RBFOX1: variants seen among roughly 807,000 people sequenced by gnomAD.
The protein encoded by RBFOX1 is RNA binding protein fox-1 homolog 1.
Under a neutral mutation model 57.7 loss-of-function variants are expected in RBFOX1, and 8 were observed. The ratio of observed to expected loss-of-function variants is 0.14; its 90% CI spans 0.08 to 0.25. The LOEUF is 0.25. RBFOX1 is among the 10% of genes least tolerant of loss of function. The pLI is 1.00. For missense variants in RBFOX1, 611 were observed against 548.5 expected (o/e 1.11, Z -1.14); for synonymous variants, 326 against 222.4 (o/e 1.47, Z -4.15).
intron 1 of RBFOX1, among the ~76,000 whole-genome samples, chr16:6,139,697 C>G (rs1476958789): frequency 1.3e-5 from 2 of 152,228 alleles, no homozygotes; most frequent in Non-Finnish European, 2.9e-5. Context: ...CTTTTCTCTA[C>G]TAGCCTCTTT....
chr16:7,216,837 C>G (rs542322978), intron 4 of RBFOX1, among the ~76,000 whole-genome samples: 39 of 152,200 alleles, frequency 2.6e-4, no homozygotes, highest in African/African-American at 8.4e-4. Flanking sequence ...TATGTATTTA[C>G]TTTTTACCAA....
intron 2 of RBFOX1, among the ~76,000 whole-genome samples, chr16:6,502,819 A>G (rs2095976639): frequency 6.6e-6 from 1 of 152,090 alleles, no homozygotes; most frequent in Non-Finnish European, 1.5e-5. Context: ...TTGGCATTCT[A>G]TTCTATTCTC....
intron 3 of RBFOX1, among the ~76,000 whole-genome samples, chr16:6,908,255 C>T (rs1029725497): frequency 6.6e-6 from 1 of 151,748 alleles, no homozygotes; most frequent in African/African-American, 2.4e-5. Context: ...CTCCTCCAGC[C>T]TTTCGGGTGT....
chr16:5,841,827 G>GAATCAGA (rs1251538094), intron 3 of RBFOX1, among the ~76,000 whole-genome samples: 1 of 152,174 alleles, frequency 6.6e-6, no homozygotes, highest in Non-Finnish European at 1.5e-5. Flanking sequence ...CAGACTAAAA[G>GAATCAGA]AATCAGAAAT....
intron 3 of RBFOX1, among the ~76,000 whole-genome samples, chr16:5,616,577 C>A (rs1262969195): frequency 6.7e-6 from 1 of 150,282 alleles, no homozygotes; most frequent in African/African-American, 2.4e-5. Context: ...TTCCCTCTCC[C>A]TTCTCCCTCT....
chr16:6,503,056 G>T (rs975223442), intron 2 of RBFOX1, among the ~76,000 whole-genome samples: 2 of 152,128 alleles, frequency 1.3e-5, no homozygotes, highest in East Asian at 1.9e-4. Flanking sequence ...TATTTATAAA[G>T]ATTTAGACAT....
chr16:5,459,844 A>G (rs1023184318), intron 1 of RBFOX1, among the ~76,000 whole-genome samples: 4 of 152,076 alleles, frequency 2.6e-5, no homozygotes, highest in African/African-American at 9.7e-5. Flanking sequence ...TGAGATTAAC[A>G]GCTCCAAAAT....
intron 1 of RBFOX1, among the ~76,000 whole-genome samples, chr16:6,226,720 GGCTGT>G: frequency 6.6e-6 from 1 of 152,198 alleles, no homozygotes; most frequent in East Asian, 1.9e-4. Context: ...TTATCTTGCT[GGCTGT>G]AGGCTTTGAC....
In RBFOX1 at chr16:6,887,719, C is replaced by G. The variant is rs189009437; in HGVS notation, c.-15-164338C>G. 4.0e-5 allele frequency among the ~76,000 whole-genome samples: 6 copies of G among 151,596 alleles called. No individual in the cohort carries two copies. In the East Asian group the frequency reaches 9.8e-4, roughly 25 times the overall value. On this transcript the variant is annotated intron_variant, in intron 3 of 15. Coordinates refer to ENST00000550418, the MANE Select transcript of RBFOX1 (RefSeq NM_018723.4). ...ACTCTGTCACCCAGGTTGGAGTGCCCTGGTGCAATCTTGGCTTACTGCAAC... is the reference window on the plus strand; with the variant it reads ...ACTCTGTCACCCAGGTTGGAGTGCCGTGGTGCAATCTTGGCTTACTGCAAC...
intron 2 of RBFOX1, among the ~76,000 whole-genome samples, chr16:6,565,831 G>A (rs2097257756): frequency 6.6e-6 from 1 of 152,214 alleles, no homozygotes; most frequent in Non-Finnish European, 1.5e-5. Context: ...AGGATTAGCA[G>A]CTATGTGAGG....
intron 4 of RBFOX1, among the ~76,000 whole-genome samples, chr16:7,166,624 C>G (rs1601640724): frequency 6.6e-6 from 1 of 152,218 alleles, no homozygotes. Context: ...GACTGGCCCT[C>G]CTTCGACACC....
intron 4 of RBFOX1, among the ~76,000 whole-genome samples, chr16:7,363,477 C>A (rs1312966785): frequency 1.4e-5 from 2 of 147,868 alleles, no homozygotes; most frequent in East Asian, 2.1e-4. Context: ...TCCGAGGTCA[C>A]CCCTGGAGCT....
chr16:7,312,876 G>A (rs925268302), intron 4 of RBFOX1, among the ~76,000 whole-genome samples: 1 of 84,982 alleles, frequency 1.2e-5, no homozygotes, highest in African/African-American at 4.7e-5. Flanking sequence ...AGTGTAGATC[G>A]TCACCCAGGA....
intron 14 of RBFOX1, among the ~76,000 whole-genome samples, chr16:7,706,280 T>C (rs547346846): frequency 1.3e-5 from 2 of 152,304 alleles, no homozygotes; most frequent in East Asian, 3.9e-4. Context: ...TTAATCATAA[T>C]AAAACCATTG....
chr16:6,272,201 C>T (rs1292689044), intron 1 of RBFOX1, among the ~76,000 whole-genome samples: 2 of 152,070 alleles, frequency 1.3e-5, no homozygotes, highest in East Asian at 1.9e-4. Context: ...AATCATTCAC[C>T]GAATCTTATC....
At chr16:6,996,695 A>T (rs1596431691) in intron 3 of RBFOX1, among the ~76,000 whole-genome samples, 1 of 152,200 alleles carries the variant, frequency 6.6e-6, no homozygotes, top group Non-Finnish European at 1.5e-5. Context: ...CAGGATTGGG[A>T]TTCAATTGAT....
At chr16:5,969,731 A>C (rs1274767365) in intron 4 of RBFOX1, among the ~76,000 whole-genome samples, 1 of 151,902 alleles carries the variant, frequency 6.6e-6, no homozygotes, top group East Asian at 1.9e-4. Context: ...TGTAGTTTTA[A>C]AAAATTGTCC....
chr16:7,604,588 T>C (rs2095207724), intron 9 of RBFOX1, among the ~76,000 whole-genome samples: 1 of 152,114 alleles, frequency 6.6e-6, no homozygotes, highest in African/African-American at 2.4e-5. Context: ...CAGCAGATTA[T>C]AGGGGGATAG....
chr16:7,125,403 C>A (rs902072018), intron 4 of RBFOX1, among the ~76,000 whole-genome samples: 5 of 152,186 alleles, frequency 3.3e-5, no homozygotes, highest in African/African-American at 1.2e-4. Flanking sequence ...TTGTCACTAG[C>A]GTCAACTCTT....
Sources: gnomAD v4.1 joint callset for allele counts (sites outside exome capture counted in the v4.1 genomes callset) on GRCh38, gnomAD v4.1.1 for gene constraint, MANE v1.5 for transcripts, NCBI Gene and HGNC (gene_info 2026-07-23, HGNC 2026-07-21) for gene names.